The following FAT3 variants were observed in gnomAD, a reference collection of about 807,000 sequenced individuals.
FAT3 encodes protocadherin Fat 3.
A neutral mutation model predicts 310.2 loss-of-function variants in FAT3; 95 were observed. That is an observed-to-expected ratio of 0.31 (90% CI 0.26 to 0.36). The LOEUF is 0.36. Among genes scored for constraint, FAT3 ranks in the 10% least tolerant of loss-of-function variants. FAT3 has a pLI of 1.00. For missense variants in FAT3, 5,408 were observed against 5,715.6 expected, an observed-to-expected ratio of 0.95 and a Z score of 1.74; for synonymous variants, 2,314 against 2,192.9, an observed-to-expected ratio of 1.06 and a Z score of -1.54.
At chr11:92,457,693 G>A (rs1193308661) in intron 2 of FAT3, among the ~76,000 whole-genome samples, 4 of 147,460 alleles carry the variant, frequency 2.7e-5, no homozygotes, top group African/African-American at 5.4e-5. Flanking sequence ...AGGCTGAGGC[G>A]GGCGGATCGC....
At chr11:92,388,304 C>T (rs556930025) in intron 2 of FAT3, among the ~76,000 whole-genome samples, 17 of 152,244 alleles carry the variant, frequency 1.1e-4, no homozygotes, top group Non-Finnish European at 2.1e-4. Context: ...CTTACATGGT[C>T]AGGTCATTTT....
chr11:92,862,034 T>G (rs1353564413), intron 21 of FAT3, among the ~76,000 whole-genome samples: 1 of 152,226 alleles, frequency 6.6e-6, no homozygotes, highest in Non-Finnish European at 1.5e-5. Flanking sequence ...TTCTTCTGTT[T>G]ACCATTGATA....
At chr11:92,573,443 G>A (rs642303) in intron 3 of FAT3, among the ~76,000 whole-genome samples, 112,439 of 151,644 alleles carry the variant, frequency 0.74, 43,925 homozygotes, top group Non-Finnish European at 0.88. Flanking sequence ...CGGTTGTAGC[G>A]GGCTGAATAG....
At position 92,633,782 on chromosome 11, in the gene FAT3, A is replaced by T. The variant is rs370945489; in HGVS notation, c.3608-63602A>T. On this transcript the variant is annotated intron_variant, in intron 3 of 27. Coordinates refer to ENST00000525166, the MANE Select transcript of FAT3 (RefSeq NM_001367949.2). ...CCCCCTTTACAATGATGTTGTTTTA[A>T]AAGTGATTTTCAATAAGTGAAGTTA... 2.0e-3 allele frequency among the ~76,000 whole-genome samples: 301 copies of T among 152,300 alleles called. 9 individuals are homozygous for T. In the South Asian group the frequency reaches 0.06, roughly 31 times the overall value.
chr11:92,857,660 G>T (rs1335019525), intron 20 of FAT3, among the ~76,000 whole-genome samples: 1 of 152,172 alleles, frequency 6.6e-6, no homozygotes, highest in African/African-American at 2.4e-5. Context: ...TGTTGGTTGG[G>T]CAGAGGAATC....
At position 92,829,209 on chromosome 11, in the gene FAT3, G is replaced by A. The variant is rs1442280349; in HGVS notation, c.9482-2413G>A. Among the ~76,000 whole-genome samples, 6 of 152,328 alleles carry A rather than the reference G, an allele frequency of 3.9e-5. No individual in the cohort carries two copies. The South Asian group carries it at 1.0e-3, about 26-fold the overall frequency. Reference sequence around the variant, plus strand: ...TCATGCCTACCTAAAAATGCTGGTTGCACCAGGCAAGTCCTTGGTTAATGC... The same window carrying A: ...TCATGCCTACCTAAAAATGCTGGTTACACCAGGCAAGTCCTTGGTTAATGC... On this transcript the variant is annotated intron_variant, in intron 13 of 27. Coordinates refer to ENST00000525166, the MANE Select transcript of FAT3 (RefSeq NM_001367949.2).
chr11:92,430,705 C>T (rs915736227), intron 2 of FAT3, among the ~76,000 whole-genome samples: 1 of 152,064 alleles, frequency 6.6e-6, no homozygotes, highest in Non-Finnish European at 1.5e-5. Context: ...GTTCCCTTTC[C>T]TGTGTCCATG....
intron 4 of FAT3, among the ~76,000 whole-genome samples, 194 bp downstream of exon 4, chr11:92,697,639 G>A (rs1943980426): frequency 1.3e-5 from 2 of 152,198 alleles, no homozygotes; most frequent in African/African-American, 4.8e-5. Context: ...TGCTGAGCCA[G>A]GGTGGTAGGG....
chr11:92,554,040 A>C (rs1330777073), intron 3 of FAT3, among the ~76,000 whole-genome samples: 2 of 151,964 alleles, frequency 1.3e-5, no homozygotes, highest in African/African-American at 4.8e-5. Flanking sequence ...TCCTGACCTC[A>C]GGTGATCTGC....
At chr11:92,494,666 A>C (rs1952702248) in intron 2 of FAT3, among the ~76,000 whole-genome samples, 1 of 152,064 alleles carries the variant, frequency 6.6e-6, no homozygotes, top group Non-Finnish European at 1.5e-5. Flanking sequence ...AACTTGCCCA[A>C]TATTTCTCAT....
chr11:92,569,844 A>T lies in FAT3; in HGVS notation c.3607+44896A>T, dbSNP rs1955606853. The stretch of plus-strand genomic sequence containing the variant: ...GGGAATTGCAAGCCTCCACCATCTC[A>T]GTGGCTCATCTCAGTAATTGGTTGG... On this transcript the variant is annotated intron_variant, in intron 3 of 27. Transcript: ENST00000525166. Among the ~76,000 whole-genome samples, 4 of 152,128 alleles carry T rather than the reference A, an allele frequency of 2.6e-5. No homozygotes were observed. The South Asian group carries it at 8.3e-4, about 32-fold the overall frequency.
chr11:92,549,274 G>A (rs538744606), intron 3 of FAT3, among the ~76,000 whole-genome samples: 4 of 152,058 alleles, frequency 2.6e-5, no homozygotes, highest in South Asian at 4.1e-4. Context: ...GCAATAATCC[G>A]TATTTTGATT....
rs2136349861 is a variant in FAT3, at chr11:92,866,969, C to G, written c.11887C>G (p.Gln3963Glu). 6.2e-7 allele frequency: 1 copy of G among 1,612,854 alleles called. No homozygotes were observed. The highest frequency in any genetic ancestry group is 8.5e-7 in the Non-Finnish European group (1 of 1,179,534). ...TAGCATCTACTTCGGCGCCCTGGTGCAAGCGGATAACATCCGCAGCCTGAC... is the reference window on the plus strand; with the variant it reads ...TAGCATCTACTTCGGCGCCCTGGTGGAAGCGGATAACATCCGCAGCCTGAC... ...ESSIYFGALV[Q>E]ADNIRSLTDT... The change falls in exon 22 of 28, where the codon CAA becomes GAA. Residue 3963 changes from glutamine to glutamate, a missense_variant. Gln to Glu is a conservative substitution (Grantham distance 29, BLOSUM62 2). This residue lies in a region of FAT3 where 4,588 missense variants were observed against 4,809.8 expected (regional missense o/e 0.95). Transcript: ENST00000525166.
chr11:92,430,764 G>GC (rs1565310750), intron 2 of FAT3, among the ~76,000 whole-genome samples: 13 of 74,982 alleles, frequency 1.7e-4, no homozygotes, highest in Non-Finnish European at 1.7e-4. Context: ...TGCGATGTTT[G>GC]GTTTTTTGTC....
At chr11:92,239,081 A>G (rs1864556647) in intron 1 of FAT3, among the ~76,000 whole-genome samples, 1 of 152,106 alleles carries the variant, frequency 6.6e-6, no homozygotes, top group Non-Finnish European at 1.5e-5. Flanking sequence ...TACCAAAAGA[A>G]ATTGGTATTT....
chr11:92,570,746 C>T (rs915047464), intron 3 of FAT3, among the ~76,000 whole-genome samples: 2 of 152,190 alleles, frequency 1.3e-5, no homozygotes, highest in African/African-American at 4.8e-5. Flanking sequence ...AAAAAGGCAC[C>T]ATCCCTATCT....
intron 22 of FAT3, among the ~76,000 whole-genome samples, chr11:92,871,786 G>T (rs1190429699): frequency 1.5e-5 from 2 of 134,628 alleles, no homozygotes; most frequent in East Asian, 4.1e-4. Flanking sequence ...TGGAATTCAA[G>T]CATCTCTATT....
intron 4 of FAT3, among the ~76,000 whole-genome samples, chr11:92,718,643 C>T (rs1423967914): frequency 1.3e-5 from 2 of 152,074 alleles, no homozygotes; most frequent in African/African-American, 4.8e-5. Flanking sequence ...TTTCTCTACC[C>T]TCTCCATCCT....
chr11:92,843,148 C>T (rs1948591946), intron 18 of FAT3, among the ~76,000 whole-genome samples: 2 of 152,146 alleles, frequency 1.3e-5, no homozygotes, highest in Middle Eastern at 3.2e-3. Context: ...CTGTGTGATG[C>T]CCAGGCACCG....
Sources: allele counts gnomAD v4.1 joint callset (sites outside exome capture counted in the v4.1 genomes callset), GRCh38; gene constraint gnomAD v4.1.1; regional missense constraint gnomAD v4.1.1; transcripts MANE v1.5; gene names NCBI Gene and HGNC (gene_info 2026-07-23, HGNC 2026-07-21).